Variants in KLB observed in about 807,000 individuals in gnomAD.
KLB encodes klotho beta, also known as beta-klotho.
Under a neutral mutation model 88.4 loss-of-function variants are expected in KLB, and 44 were observed. The observed-to-expected ratio is 0.50, with a 90% CI of 0.39 to 0.64. The LOEUF is 0.64. Among genes scored for constraint, KLB ranks in the 30% least tolerant of loss-of-function variants. The probability of loss-of-function intolerance (pLI) is 0.00; values close to 1 mark genes in which losing one functional copy is unlikely to be tolerated. For synonymous variants in KLB, 548 were observed against 513.4 expected (o/e 1.07, Z -0.91); for missense variants, 1,137 against 1,304.8 (o/e 0.87, Z 1.98).
At chr4:39,433,814 C>T (rs567917920) in intron 1 of KLB, among the ~76,000 whole-genome samples, 14 of 152,030 alleles carry the variant, frequency 9.2e-5, no homozygotes, top group Non-Finnish European at 1.6e-4. Context: ...GAGCTGAGAT[C>T]GCACCACTAC....
chr4:39,449,010 A>G lies in KLB; in HGVS notation c.*324A>G. On this transcript the variant is annotated 3_prime_UTR_variant, in exon 5 of 5. Coordinates refer to ENST00000257408, the MANE Select transcript of KLB (RefSeq NM_175737.4). ...ATCTCTACCAATAGCTACTTGTGGT[A>G]CAATAAATTATTTTTAAGAAGTAAA... 4.7e-6 allele frequency: 1 copy of G among 214,612 alleles called. No homozygotes were observed. The highest frequency in any genetic ancestry group is 9.3e-6 in the Non-Finnish European group (1 of 107,324). The allele number at this position is 214,612 out of a possible 1,614,324, so 13.3% of individuals were successfully genotyped here.
chr4:39,445,408 T>C (rs1303832344), intron 3 of KLB, among the ~76,000 whole-genome samples: 2 of 152,174 alleles, frequency 1.3e-5, no homozygotes. Context: ...AACCCATTTA[T>C]TCATCTGTTG....
rs977800707 is a variant in KLB, at chr4:39,448,844, C to G, written c.*158C>G. 1 of 686,310 alleles carries G rather than the reference C, an allele frequency of 1.5e-6. No homozygotes were observed. The highest frequency in any genetic ancestry group is 2.4e-6 in the Non-Finnish European group (1 of 416,952). The allele number at this position is 686,310 out of a possible 1,614,324, so 42.5% of individuals were successfully genotyped here. ...TCTGCTGTGTGGTTCAAAGAACATT[C>G]CCTTAGGTGTTGACATCAGTGAACT... On this transcript the variant is annotated 3_prime_UTR_variant, in exon 5 of 5. Coordinates refer to ENST00000257408, the MANE Select transcript of KLB (RefSeq NM_175737.4).
rs1743770638 is a variant in KLB, at chr4:39,447,163, C to G, written c.2437C>G (p.Leu813Val). Reference sequence around the variant, plus strand: ...GCGCCTCACCGAGGCCGAAAGGAGGCTGCTCAAGGGCACGGTCGACTTCTG... The same window carrying G: ...GCGCCTCACCGAGGCCGAAAGGAGGGTGCTCAAGGGCACGGTCGACTTCTG... ...LPRLTEAERR[L>V]LKGTVDFCAL... Residue 813 changes from leucine to valine, a missense_variant, in exon 4 of 5, where the codon CTG becomes GTG. Around this residue, in one of 4 missense-constraint regions of KLB, gnomAD observed 426 missense variants for 404.6 expected, o/e 1.05. Transcript: ENST00000257408. 2 of 1,613,846 alleles carry G rather than the reference C, an allele frequency of 1.2e-6. No homozygotes were observed. Among genetic ancestry groups the G allele is most frequent in the Non-Finnish European group, 1.7e-6 (2 of 1,180,048 alleles).
At chr4:39,422,434 G>A (rs1053383521) in intron 1 of KLB, among the ~76,000 whole-genome samples, 2 of 152,100 alleles carry the variant, frequency 1.3e-5, no homozygotes, top group Admixed American at 6.6e-5. Flanking sequence ...GATTCACCTT[G>A]TGCAAGTTAC....
At chr4:39,421,952 G>T (rs1743097362) in intron 1 of KLB, among the ~76,000 whole-genome samples, 1 of 152,096 alleles carries the variant, frequency 6.6e-6, no homozygotes, top group African/African-American at 2.4e-5. Flanking sequence ...CACCATGTTG[G>T]CCAGGCTGAT....
intron 1 of KLB, among the ~76,000 whole-genome samples, chr4:39,428,108 G>A (rs1265133244): frequency 1.3e-5 from 2 of 152,184 alleles, no homozygotes; most frequent in African/African-American, 2.4e-5. Flanking sequence ...TATGGAAAGC[G>A]ATTTGGGAAT....
At position 39,447,382 on chromosome 4, in the gene KLB, T is replaced by C. The variant is rs543770046; in HGVS notation, c.2656T>C (p.Tyr886His). Residue 886 changes from tyrosine to histidine, a missense_variant, in exon 4 of 5, where the codon TAC becomes CAC. Coordinates refer to ENST00000257408, the MANE Select transcript of KLB (RefSeq NM_175737.4). ...GAGGAACTACGGCGACATGGACATTTACATCACCGCCAGTGGCATCGACGA... is the reference window on the plus strand; with the variant it reads ...GAGGAACTACGGCGACATGGACATTCACATCACCGCCAGTGGCATCGACGA... Reference protein sequence around the residue: ...VRRNYGDMDIYITASGIDDQA... With the variant: ...VRRNYGDMDIHITASGIDDQA... The C allele has an allele frequency of 1.3e-5, 21 of 1,613,416 alleles. No individual in the cohort carries two copies. In the East Asian group the frequency reaches 2.2e-4, roughly 17 times the overall value.
chr4:39,434,197 TTTC>T lies in KLB; in HGVS notation c.826-7_826-5del. 1 of 1,586,068 alleles carries T rather than the reference TTTC, an allele frequency of 6.3e-7. No individual in the cohort carries two copies. The highest frequency in any genetic ancestry group is 8.6e-7 in the Non-Finnish European group (1 of 1,165,832). ...TGAGGACAACAAAGATCAATAATAT[TTTC>T]TTCTTTTAGGCTCACTCGAAAGTTT... is the stretch of plus-strand genomic sequence containing the variant. On this transcript the variant is annotated splice_polypyrimidine_tract_variant and intron_variant, in intron 1 of 4. Transcript: ENST00000257408.
intron 3 of KLB, among the ~76,000 whole-genome samples, chr4:39,442,379 A>G (rs976023234): frequency 6.6e-6 from 1 of 152,048 alleles, no homozygotes; most frequent in Non-Finnish European, 1.5e-5. Context: ...TCCCTTCATC[A>G]AGACTGACTG....
intron 1 of KLB, among the ~76,000 whole-genome samples, chr4:39,419,659 C>T (rs1400560391): frequency 2.6e-5 from 4 of 151,472 alleles, no homozygotes. Context: ...GCCTGTAATC[C>T]CAGCTACTCG....
At chr4:39,443,021 C>T (rs1743648808) in intron 3 of KLB, among the ~76,000 whole-genome samples, 1 of 152,092 alleles carries the variant, frequency 6.6e-6, no homozygotes, top group South Asian at 2.1e-4. Context: ...CACCTCATGG[C>T]ATTGACGTGT....
chr4:39,424,624 TG>T (rs1457648099), intron 1 of KLB, among the ~76,000 whole-genome samples: 1 of 151,242 alleles, frequency 6.6e-6, no homozygotes, highest in Non-Finnish European at 1.5e-5. Flanking sequence ...ATCTCCATGG[TG>T]GTTTCTTTTT....
intron 1 of KLB, among the ~76,000 whole-genome samples, chr4:39,413,875 A>G (rs1742912579): frequency 6.6e-6 from 1 of 152,210 alleles, no homozygotes; most frequent in Non-Finnish European, 1.5e-5. Context: ...TCATAGATAA[A>G]TACTGTTTAC....
At position 39,427,891 on chromosome 4, in the gene KLB, T is replaced by A. The variant is rs544945771; in HGVS notation, c.826-6319T>A. On this transcript the variant is annotated intron_variant, in intron 1 of 4. Coordinates refer to ENST00000257408, the MANE Select transcript of KLB (RefSeq NM_175737.4). ...AAACAGGTCTTTGACAGTGAAATGA[T>A]CTGTCCAAGATCGTAAAGCTGATGA... 7.2e-5 allele frequency among the ~76,000 whole-genome samples: 11 copies of A among 152,292 alleles called. No homozygotes were observed. The South Asian group carries it at 2.3e-3, about 32-fold the overall frequency.
chr4:39,425,975 C>T (rs1560647794), intron 1 of KLB, among the ~76,000 whole-genome samples: 1 of 149,816 alleles, frequency 6.7e-6, no homozygotes, highest in East Asian at 2.0e-4. Context: ...AAAACTAGGC[C>T]GGGCGCTTGG....
At chr4:39,435,097 A>C in intron 2 of KLB, among the ~76,000 whole-genome samples, 1 of 148,862 alleles carries the variant, frequency 6.7e-6, no homozygotes, top group Non-Finnish European at 1.5e-5. Flanking sequence ...ATGAGCCACC[A>C]TGCCCGGCCT....
intron 1 of KLB, among the ~76,000 whole-genome samples, chr4:39,419,708 G>A (rs1489281574): frequency 4.0e-5 from 6 of 150,896 alleles, no homozygotes; most frequent in South Asian, 2.1e-4. Context: ...CCCAGAAGGC[G>A]GAGGTTGCAG....
chr4:39,426,232 A>G (rs1007552517), intron 1 of KLB, among the ~76,000 whole-genome samples: 2 of 136,454 alleles, frequency 1.5e-5, no homozygotes, highest in African/African-American at 5.5e-5. Flanking sequence ...AGCCTAGGCG[A>G]CAGAGCGAGA....
Sources: allele counts gnomAD v4.1 joint callset (sites outside exome capture counted in the v4.1 genomes callset), GRCh38; gene constraint gnomAD v4.1.1; regional missense constraint gnomAD v4.1.1; transcripts MANE v1.5; gene names NCBI Gene and HGNC (gene_info 2026-07-23, HGNC 2026-07-21).